MCFD2: variants seen among roughly 807,000 people sequenced by gnomAD.
MCFD2 encodes multiple coagulation factor deficiency protein 2.
In MCFD2, 11 loss-of-function variants were observed where a neutral mutation model predicts 12.8. The observed-to-expected ratio is 0.86, with a 90% CI of 0.54 to 1.42. MCFD2 has a LOEUF of 1.42. Ranked by LOEUF, MCFD2 falls within the 40% of genes most tolerant of loss-of-function variation. The pLI is 0.00. For synonymous variants in MCFD2, 70 were observed against 68.1 expected (o/e 1.03, Z -0.14); for missense variants, 191 against 178.6 (o/e 1.07, Z -0.40).
intron 1 of MCFD2, among the ~76,000 whole-genome samples, chr2:46,912,148 C>T (rs1668513254): frequency 6.6e-6 from 1 of 151,862 alleles, no homozygotes; most frequent in Admixed American, 6.6e-5. Flanking sequence ...CCAGCCTGGC[C>T]AATGTGGCAA....
At chr2:46,932,133 A>G in intron 1 of MCFD2, among the ~76,000 whole-genome samples, 1 of 152,036 alleles carries the variant, frequency 6.6e-6, no homozygotes, top group East Asian at 1.9e-4. Flanking sequence ...ATCAGAAAGC[A>G]ATGTAGGGCT....
At chr2:46,932,221 C>T (rs906585741) in intron 1 of MCFD2, among the ~76,000 whole-genome samples, 13 of 151,462 alleles carry the variant, frequency 8.6e-5, no homozygotes, top group Admixed American at 7.3e-4. Context: ...GGGGTCTTGG[C>T]TCACTGCAAC....
At chr2:46,913,734 C>T (rs1668577709) in intron 1 of MCFD2, 1 of 152,394 alleles carries the variant, frequency 6.6e-6, no homozygotes, top group African/African-American at 2.4e-5. Context: ...AGCCTCAGTC[C>T]TGGGAGGGCA....
upstream of MCFD2, chr2:46,915,879 G>A (rs923627133): frequency 5.1e-6 from 5 of 976,916 alleles, no homozygotes; most frequent in African/African-American, 7.1e-5. Flanking sequence ...GGCGCCGCCG[G>A]GCCCCTCCCG....
intron 1 of MCFD2, among the ~76,000 whole-genome samples, chr2:46,939,084 T>C (rs2103869568): frequency 6.6e-6 from 1 of 151,626 alleles, no homozygotes; most frequent in Non-Finnish European, 1.5e-5. Context: ...AAGACCAGCC[T>C]GGGCAACACA....
At chr2:46,936,519 T>TG (rs776131575) in intron 1 of MCFD2, among the ~76,000 whole-genome samples, 1 of 152,148 alleles carries the variant, frequency 6.6e-6, no homozygotes, top group Non-Finnish European at 1.5e-5. Flanking sequence ...GCTATGAGGC[T>TG]GGGGGGTCCT....
At position 46,908,991 on chromosome 2, in the gene MCFD2, C is replaced by G; in HGVS notation, c.149+32G>C. 1.2e-6 allele frequency: 2 copies of G among 1,613,558 alleles called. No individual in the cohort carries two copies. The highest frequency in any genetic ancestry group is 1.7e-6 in the Non-Finnish European group (2 of 1,179,894). ...GGCTCAGCTGCAGATGATGGGGAGG[C>G]CACTGGACCACAGCCCGGGCTGAAT... is the stretch of plus-strand genomic sequence containing the variant. On this transcript the variant is annotated intron_variant, in intron 2 of 3. Transcript: ENST00000319466. The surrounding 1 kb of genome is among the most constrained non-coding windows in gnomAD (Gnocchi z 4.5).
chr2:46,909,094 AG>A lies in MCFD2; in HGVS notation c.77del (p.Ala26ValfsTer31). ...GGGAGAAGCTGGCTGCAGGCTCCTC[AG>A]CCCTGGCGCCTGGGGCACAAAAGGC... is the stretch of plus-strand genomic sequence containing the variant. ...LWAFCAPGAR[A>X]EEPAASFSQP... is the part of the protein sequence containing the mutation. On this transcript the variant is annotated frameshift_variant, in exon 2 of 4. Transcript: ENST00000319466. LOFTEE classifies it high-confidence loss of function. The A allele has an allele frequency of 6.2e-7, 1 of 1,614,210 alleles. No individual in the cohort carries two copies. The highest frequency in any genetic ancestry group is 8.5e-7 in the Non-Finnish European group (1 of 1,180,038).
upstream of MCFD2, among the ~76,000 whole-genome samples, chr2:46,917,858 C>T (rs570398008): frequency 6.6e-6 from 1 of 152,274 alleles, no homozygotes; most frequent in African/African-American, 2.4e-5. Context: ...TTTCTGACAC[C>T]ACACACTCTG....
intron 1 of MCFD2, among the ~76,000 whole-genome samples, chr2:46,931,495 A>T (rs1216399467): frequency 6.6e-6 from 1 of 151,988 alleles, no homozygotes; most frequent in African/African-American, 2.4e-5. Context: ...TAATCACAAG[A>T]GTCTTTCTAA....
upstream of MCFD2, among the ~76,000 whole-genome samples, chr2:46,918,317 A>G (rs1309023286): frequency 6.6e-6 from 1 of 152,164 alleles, no homozygotes; most frequent in Non-Finnish European, 1.5e-5. Flanking sequence ...AAGCCTGTTG[A>G]TGCTATCAAA....
intron 1 of MCFD2, among the ~76,000 whole-genome samples, chr2:46,914,436 T>C (rs1462444428): frequency 6.6e-6 from 1 of 152,190 alleles, no homozygotes; most frequent in Non-Finnish European, 1.5e-5. Flanking sequence ...GGTCCTGGAA[T>C]GAAGGCAAGA....
chr2:46,921,099 C>T (rs546839981), intron 1 of MCFD2, among the ~76,000 whole-genome samples: 1 of 152,202 alleles, frequency 6.6e-6, no homozygotes, highest in South Asian at 2.1e-4. Context: ...CCCTTAATAT[C>T]AGGAACAAAG....
intron 1 of MCFD2, among the ~76,000 whole-genome samples, chr2:46,924,276 C>G (rs754718884): frequency 2.0e-5 from 3 of 150,778 alleles, no homozygotes; most frequent in Non-Finnish European, 4.4e-5. Context: ...ACCAGTAAAA[C>G]TGTAAACCCC....
At chr2:46,939,335 T>C (rs1670138496) in intron 1 of MCFD2, among the ~76,000 whole-genome samples, 1 of 152,074 alleles carries the variant, frequency 6.6e-6, no homozygotes, top group Admixed American at 6.5e-5. Context: ...TGGGTTCTTG[T>C]TCCTAGTTTT....
chr2:46,933,965 G>A (rs1296352104), intron 1 of MCFD2, among the ~76,000 whole-genome samples: 2 of 152,156 alleles, frequency 1.3e-5, no homozygotes, highest in Admixed American at 1.3e-4. Flanking sequence ...ATTAGGCTTG[G>A]TGCTCTACTT....
chr2:46,936,664 G>A (rs1669994637), intron 1 of MCFD2, among the ~76,000 whole-genome samples: 1 of 152,120 alleles, frequency 6.6e-6, no homozygotes. Context: ...TCACCCAAAT[G>A]TGTACACTTA....
intron 1 of MCFD2, among the ~76,000 whole-genome samples, chr2:46,913,098 T>G (rs996015033): frequency 2.0e-5 from 3 of 152,118 alleles, no homozygotes; most frequent in African/African-American, 7.2e-5. Flanking sequence ...GTCCAAAATA[T>G]CCCTTCTTTA....
intron 1 of MCFD2, among the ~76,000 whole-genome samples, chr2:46,910,343 G>A (rs1319984684): frequency 6.6e-6 from 1 of 152,160 alleles, no homozygotes; most frequent in Non-Finnish European, 1.5e-5. Flanking sequence ...ACAGCCAGGT[G>A]ACCTACATAC....
Sources: allele counts gnomAD v4.1 joint callset (sites outside exome capture counted in the v4.1 genomes callset), GRCh38; gene constraint gnomAD v4.1.1; non-coding constraint Gnocchi (gnomAD v3.1); transcripts MANE v1.5; gene names NCBI Gene and HGNC (gene_info 2026-07-23, HGNC 2026-07-21).